CCDC171: variants seen among roughly 807,000 people sequenced by gnomAD.
CCDC171 encodes the protein coiled-coil domain-containing protein 171.
A neutral mutation model predicts 168.2 loss-of-function variants in CCDC171; 177 were observed. The ratio of observed to expected loss-of-function variants is 1.05; its 90% confidence interval spans 0.93 to 1.19. CCDC171 has a LOEUF of 1.19. CCDC171 is among the 50% of genes most tolerant of loss of function. The pLI is 0.00. For missense variants in CCDC171, 1,991 were observed against 1,539.0 expected (o/e 1.29, Z -4.91); for synonymous variants, 687 against 540.8 (o/e 1.27, Z -3.75).
chr9:16,028,365 A>G (rs1382091742), intron 6 of CCDC171, among the ~76,000 whole-genome samples: 1 of 152,174 alleles, frequency 6.6e-6, no homozygotes. Context: ...TGTTAAGATG[A>G]TACTCAGCGA....
chr9:15,677,339 T>G (rs986963363), intron 9 of CCDC171, among the ~76,000 whole-genome samples: 3 of 152,150 alleles, frequency 2.0e-5, no homozygotes, highest in Non-Finnish European at 2.9e-5. Context: ...ATATTCCTAA[T>G]CTAAAGGAGA....
chr9:15,638,257 G>A (rs2046348290), intron 7 of CCDC171, among the ~76,000 whole-genome samples: 1 of 152,006 alleles, frequency 6.6e-6, no homozygotes, highest in South Asian at 2.1e-4. Flanking sequence ...CTTTTTAAAA[G>A]CTTTGCTTTA....
intron 18 of CCDC171, among the ~76,000 whole-genome samples, chr9:15,773,058 T>C (rs1361206389): frequency 2.6e-5 from 4 of 152,128 alleles, no homozygotes; most frequent in African/African-American, 9.7e-5. Context: ...ATTACTAACA[T>C]TATTTTAAAC....
chr9:15,607,073 G>T (rs1426778876), intron 6 of CCDC171, among the ~76,000 whole-genome samples: 1 of 152,134 alleles, frequency 6.6e-6, no homozygotes, highest in Non-Finnish European at 1.5e-5. Context: ...GTGTTACATT[G>T]CATCTCAGGA....
At chr9:15,863,935 C>A (rs1049424941) in intron 23 of CCDC171, among the ~76,000 whole-genome samples, 26 of 152,034 alleles carry the variant, frequency 1.7e-4, no homozygotes, top group African/African-American at 6.0e-4. Context: ...AAAGTCTGAA[C>A]TGATTTTGTA....
chr9:15,799,939 G>C (rs1453410965), intron 21 of CCDC171, among the ~76,000 whole-genome samples: 1 of 152,050 alleles, frequency 6.6e-6, no homozygotes, highest in Non-Finnish European at 1.5e-5. Flanking sequence ...CTATGTTGTT[G>C]CAAATGACAA....
At chr9:15,774,637 A>G (rs540288619) in intron 18 of CCDC171, among the ~76,000 whole-genome samples, 1 of 152,226 alleles carries the variant, frequency 6.6e-6, no homozygotes, top group African/African-American at 2.4e-5. Context: ...GTCGTTATAC[A>G]AAAAAGATAC....
intron 25 of CCDC171, among the ~76,000 whole-genome samples, chr9:15,934,801 G>C (rs1826926596): frequency 1.3e-5 from 2 of 152,012 alleles, no homozygotes; most frequent in African/African-American, 4.8e-5. Context: ...GCCAAACCAT[G>C]GACGAATAAT....
chr9:15,983,172 C>T (rs941503274), intron 3 of CCDC171, among the ~76,000 whole-genome samples: 1 of 152,170 alleles, frequency 6.6e-6, no homozygotes, highest in Middle Eastern at 3.4e-3. Context: ...TCAGAACCCC[C>T]TTCCCCTTTC....
the CCDC171 span, among the ~76,000 whole-genome samples, chr9:16,080,544 T>C: frequency 3.9e-5 from 6 of 152,222 alleles, no homozygotes; most frequent in African/African-American, 1.4e-4. Context: ...ACGAGCACTA[T>C]TAAATCTCCT....
intron 3 of CCDC171, among the ~76,000 whole-genome samples, chr9:16,016,119 A>G (rs1332127226): frequency 6.6e-6 from 1 of 152,142 alleles, no homozygotes; most frequent in East Asian, 1.9e-4. Flanking sequence ...TCTTTGGGGT[A>G]TATACCCGGA....
chr9:15,960,762 C>T (rs925695444), intron 25 of CCDC171, among the ~76,000 whole-genome samples: 7 of 152,178 alleles, frequency 4.6e-5, no homozygotes, highest in African/African-American at 1.7e-4. Flanking sequence ...ATTTGTCTTA[C>T]ATCTGAAGTA....
At chr9:16,095,425 G>T in the CCDC171 span, among the ~76,000 whole-genome samples, 4 of 151,964 alleles carry the variant, frequency 2.6e-5, no homozygotes, top group Admixed American at 2.6e-4. Context: ...TTCCCTCAAA[G>T]ATTTTCTTTC....
At chr9:15,642,364 T>TATATAC (rs2046702937) in intron 7 of CCDC171, among the ~76,000 whole-genome samples, 1 of 48,384 alleles carries the variant, frequency 2.1e-5, no homozygotes, top group African/African-American at 4.4e-5. Flanking sequence ...TATATATATA[T>TATATAC]ATATATATAT....
At chr9:15,771,290 C>T (rs2056999262) in intron 18 of CCDC171, among the ~76,000 whole-genome samples, 2 of 152,104 alleles carry the variant, frequency 1.3e-5, no homozygotes, top group Admixed American at 6.6e-5. Context: ...GTATTCTTTA[C>T]ATTGTTCTTT....
chr9:16,045,465 C>T (rs1382506719), intron 1 of CCDC171, among the ~76,000 whole-genome samples: 2 of 152,184 alleles, frequency 1.3e-5, no homozygotes, highest in East Asian at 3.8e-4. Context: ...GCTGGTAGCA[C>T]TCCTTCCTTC....
chr9:15,887,640 A>G (rs2131427840), intron 24 of CCDC171, among the ~76,000 whole-genome samples: 2 of 152,288 alleles, frequency 1.3e-5, no homozygotes, highest in South Asian at 4.1e-4. Context: ...CAAAACCCAA[A>G]TCAACTCTTT....
chr9:15,562,672 G>C lies in CCDC171; in HGVS notation c.-111-1306G>C, dbSNP rs114184009. On this transcript the variant is annotated intron_variant, in intron 1 of 25. Transcript: ENST00000380701. ...TTTCCTAAGAGGTAAATAGAGGTCT[G>C]TTTATGCCTGTTGTGCTACCTCTGC... 6.0e-3 allele frequency among the ~76,000 whole-genome samples: 921 copies of C among 152,268 alleles called. 14 individuals carry two copies. The highest frequency in any genetic ancestry group is 0.021 in the African/African-American group (868 of 41,564).
At chr9:15,600,799 C>T (rs188736886) in intron 6 of CCDC171, among the ~76,000 whole-genome samples, 87 of 152,314 alleles carry the variant, frequency 5.7e-4, no homozygotes, top group African/African-American at 1.9e-3. Flanking sequence ...TCGAGCTTCC[C>T]GGCCACTTTG....
Sources: allele counts gnomAD v4.1 joint callset (sites outside exome capture counted in the v4.1 genomes callset), GRCh38; gene constraint gnomAD v4.1.1; transcripts MANE v1.5; gene names NCBI Gene and HGNC (gene_info 2026-07-23, HGNC 2026-07-21).